Variants in PCDHA4 observed in about 807,000 individuals in gnomAD.
PCDHA4 encodes the protein protocadherin alpha-4.
PCDHA4 carries 49 observed loss-of-function variants against 61.4 expected under a neutral mutation model. The observed-to-expected ratio is 0.80, with a 90% confidence interval of 0.63 to 1.01. The LOEUF (loss-of-function observed/expected upper bound fraction) is 1.01, where lower values mean the gene tolerates loss of function less well. Among genes scored for constraint, PCDHA4 ranks in the 50% least tolerant of loss-of-function variants. PCDHA4 has a pLI of 0.00. For synonymous variants in PCDHA4, 590 were observed against 550.3 expected, an observed-to-expected ratio of 1.07 and a Z score of -1.01; for missense variants, 1,254 against 1,235.8, an observed-to-expected ratio of 1.01 and a Z score of -0.22.
At chr5:140,902,044 AT>A (rs1222362795) in intron 1 of PCDHA4, among the ~76,000 whole-genome samples, 1 of 152,016 alleles carries the variant, frequency 6.6e-6, no homozygotes, top group Admixed American at 6.6e-5. Flanking sequence ...TTGTATGTTG[AT>A]TTTGTATCCT....
intron 1 of PCDHA4, among the ~76,000 whole-genome samples, chr5:140,945,058 C>A (rs939271004): frequency 1.3e-5 from 2 of 151,996 alleles, no homozygotes; most frequent in Non-Finnish European, 2.9e-5. Flanking sequence ...AAAGAAAACC[C>A]TACAGACTCC....
At chr5:140,948,564 T>C (rs1329949756) in intron 1 of PCDHA4, among the ~76,000 whole-genome samples, 1 of 151,688 alleles carries the variant, frequency 6.6e-6, no homozygotes, top group Non-Finnish European at 1.5e-5. Flanking sequence ...TTAAGTTGTA[T>C]TTTTTAAAGG....
Position 140,860,053 on chromosome 5 carries a change from C to T in PCDHA4, c.2385+50481C>T, listed in dbSNP as rs186329592. The T allele has an allele frequency of 6.0e-5, 9 of 150,766 alleles. No individual in the cohort carries two copies. In the East Asian group the frequency reaches 1.6e-3, roughly 26 times the overall value. 9.3% of individuals were successfully genotyped at this position (150,766 alleles called of 1,614,324 possible). A position where few individuals can be genotyped will look rare whatever the true frequency, so the allele number is the denominator to read the frequency against. ...CCTGTAATCCCAGCATTTTGAGAGGCCAAGGTGGGAGGATGGTTTGAGGCC... is the reference window on the plus strand; with the variant it reads ...CCTGTAATCCCAGCATTTTGAGAGGTCAAGGTGGGAGGATGGTTTGAGGCC... On this transcript the variant is annotated intron_variant, in intron 1 of 3. Transcript: ENST00000530339.
rs149795080 is a variant in PCDHA4 at position 140,995,000 on chromosome 5, T to C, written c.2533+12437T>C. Among the ~76,000 whole-genome samples the C allele has an allele frequency of 1.7e-3, 261 of 152,326 alleles. 1 individual carries two copies. The highest frequency in any genetic ancestry group is 6.1e-3 in the African/African-American group (253 of 41,578). ...GAGACCCACTAGAAGGTTAGTTGGTTTGTTTATATTTAGGAAAGAAGATTC... is the reference window on the plus strand; with the variant it reads ...GAGACCCACTAGAAGGTTAGTTGGTCTGTTTATATTTAGGAAAGAAGATTC... On this transcript the variant is annotated intron_variant, in intron 3 of 3. Transcript: ENST00000530339.
chr5:140,817,978 C>A (rs1367059541), intron 1 of PCDHA4, among the ~76,000 whole-genome samples: 3 of 152,266 alleles, frequency 2.0e-5, no homozygotes, highest in East Asian at 3.9e-4. Context: ...TTCTGTCTAG[C>A]TACTTTGTAT....
rs149846721 is a variant in PCDHA4 at position 140,856,069 on chromosome 5, C to T, written c.2385+46497C>T. ...ATAAGATGGTTTCCAGATGTAGCTG[C>T]CTGGGGGTCCAGTGTCTGCTGCTCT... is the stretch of plus-strand genomic sequence containing the variant. On this transcript the variant is annotated intron_variant, in intron 1 of 3. Transcript: ENST00000530339. 2.1e-5 allele frequency: 33 copies of T among 1,591,484 alleles called. 2 individuals carry two copies. In the African/African-American group the frequency reaches 3.4e-4, roughly 16 times the overall value.
At chr5:140,937,788 T>C (rs2091751340) in intron 1 of PCDHA4, among the ~76,000 whole-genome samples, 1 of 149,320 alleles carries the variant, frequency 6.7e-6, no homozygotes, top group African/African-American at 2.5e-5. Flanking sequence ...GGCGGGCGTA[T>C]GTAGTCCCAG....
chr5:140,982,963 A>G (rs2097017646), intron 3 of PCDHA4, among the ~76,000 whole-genome samples: 1 of 151,972 alleles, frequency 6.6e-6, no homozygotes, highest in South Asian at 2.1e-4. Context: ...AAACCCACCC[A>G]AAGTAGTAAG....
chr5:140,852,798 T>A, intron 1 of PCDHA4: 1 of 976,860 alleles, frequency 1.0e-6, no homozygotes, highest in Non-Finnish European at 1.2e-6. Context: ...GCTACAGATG[T>A]CATTTGTCTC....
chr5:140,868,946 G>C, intron 1 of PCDHA4: 1 of 1,292,216 alleles, frequency 7.7e-7, no homozygotes, highest in Non-Finnish European at 1.1e-6. Flanking sequence ...TCTGAACAGT[G>C]AGGCACTCCC....
intron 1 of PCDHA4, among the ~76,000 whole-genome samples, chr5:140,817,958 G>A (rs1371560808): frequency 6.6e-6 from 1 of 152,142 alleles, no homozygotes; most frequent in Non-Finnish European, 1.5e-5. Context: ...TTCAATTAGT[G>A]TGTCTTTTTT....
At position 140,815,675 on chromosome 5, in the gene PCDHA4, T is replaced by G. The variant is rs2126666284; in HGVS notation, c.2385+6103T>G. ...ATATATTTATCTTTACTAGTGAGCT[T>G]TATACTTTAATAAAATACCTATGTA... On this transcript the variant is annotated intron_variant, in intron 1 of 3. Coordinates refer to ENST00000530339, the MANE Select transcript of PCDHA4 (RefSeq NM_018907.4). 3 of 152,278 alleles carry G rather than the reference T, an allele frequency of 2.0e-5. No homozygotes were observed. In the South Asian group the frequency reaches 6.2e-4, roughly 32 times the overall value. The allele number at this position is 152,278 out of a possible 1,614,324, so 9.4% of individuals were successfully genotyped here. A position where few individuals can be genotyped will look rare whatever the true frequency, so the allele number is the denominator to read the frequency against.
chr5:140,969,385 C>T, intron 1 of PCDHA4: 1 of 1,598,120 alleles, frequency 6.3e-7, no homozygotes, highest in Non-Finnish European at 8.5e-7. Flanking sequence ...TTACACATCC[C>T]CCAATATCCT....
rs2150201069 is a variant in PCDHA4, at chr5:140,832,336, T to C, written c.2385+22764T>C. ...GCTTAAGGGCCATTAGAGGACTGAG[T>C]TGTGGTTTGTGTTTCCTAATGTGAG... On this transcript the variant is annotated intron_variant, in intron 1 of 3. Coordinates refer to ENST00000530339, the MANE Select transcript of PCDHA4 (RefSeq NM_018907.4). Among the ~76,000 whole-genome samples, 820 of 152,216 alleles carry C rather than the reference T, an allele frequency of 5.4e-3. 7 individuals carry two copies. Among genetic ancestry groups the C allele is most frequent in the African/African-American group, 0.018 (760 of 41,540 alleles).
chr5:140,909,837 A>G (rs1385622846), intron 1 of PCDHA4, among the ~76,000 whole-genome samples: 3 of 152,190 alleles, frequency 2.0e-5, no homozygotes, highest in Non-Finnish European at 4.4e-5. Context: ...CTGGAGGACC[A>G]CCAGGACGTT....
chr5:140,861,028 C>G (rs954598633), intron 1 of PCDHA4: 1 of 152,238 alleles, frequency 6.6e-6, no homozygotes, highest in African/African-American at 2.4e-5. Context: ...CGCACCCGGC[C>G]GAAAGGTATT....
intron 1 of PCDHA4, among the ~76,000 whole-genome samples, chr5:140,873,080 C>G (rs1582109442): frequency 2.6e-5 from 4 of 151,946 alleles, no homozygotes; most frequent in Admixed American, 2.6e-4. Context: ...CTAGCTATTT[C>G]CCCCCCGTAT....
intron 1 of PCDHA4, among the ~76,000 whole-genome samples, chr5:140,914,693 G>C (rs1554196535): frequency 7.9e-5 from 12 of 151,662 alleles, no homozygotes; most frequent in Non-Finnish European, 1.8e-4. Flanking sequence ...TTCTCTGGTG[G>C]TATGATTTAA....
At position 140,850,000 on chromosome 5, in the gene PCDHA4, G is replaced by A. The variant is rs2150462633; in HGVS notation, c.2385+40428G>A. 7 of 1,597,068 alleles carry A rather than the reference G, an allele frequency of 4.4e-6. No individual in the cohort carries two copies. In the Admixed American group the frequency reaches 8.4e-5, roughly 19 times the overall value. ...CTGGTGGAGCGGCGGTTGGGCGAGCGCTCGCTGTCGAGCTACGTGTCAGTG... is the reference window on the plus strand; with the variant it reads ...CTGGTGGAGCGGCGGTTGGGCGAGCACTCGCTGTCGAGCTACGTGTCAGTG... On this transcript the variant is annotated intron_variant, in intron 1 of 3. Transcript: ENST00000530339.
Sources: allele counts gnomAD v4.1 joint callset (sites outside exome capture counted in the v4.1 genomes callset), GRCh38; gene constraint gnomAD v4.1.1; transcripts MANE v1.5; gene names NCBI Gene and HGNC (gene_info 2026-07-23, HGNC 2026-07-21).